The following CELF2 variants were observed in gnomAD, a reference collection of about 807,000 sequenced individuals.
CELF2 encodes CUG triplet repeat RNA-binding protein 2.
A neutral mutation model predicts 62.6 loss-of-function variants in CELF2; 8 were observed. That is an observed-to-expected ratio of 0.13 (90% confidence interval 0.07 to 0.23). The LOEUF (loss-of-function observed/expected upper bound fraction) is 0.23. Ranked by LOEUF, CELF2 falls within the 10% of genes least tolerant of loss-of-function variation. The pLI is 1.00. For synonymous variants in CELF2, 258 were observed against 250.0 expected (o/e 1.03, Z -0.30); for missense variants, 333 against 671.0 (o/e 0.50, Z 5.56).
At chr10:11,238,619 A>G (rs2072500168) in intron 3 of CELF2, among the ~76,000 whole-genome samples, 1 of 152,250 alleles carries the variant, frequency 6.6e-6, no homozygotes, top group African/African-American at 2.4e-5. Flanking sequence ...TGCTAAACAC[A>G]GTGACAGTAC....
chr10:10,902,586 T>C (rs1016975368), intron 1 of CELF2, among the ~76,000 whole-genome samples: 5 of 152,158 alleles, frequency 3.3e-5, no homozygotes, highest in African/African-American at 1.2e-4. Flanking sequence ...CAGTGGTTAC[T>C]TGGGGACAGG....
intron 2 of CELF2, among the ~76,000 whole-genome samples, chr10:10,967,827 A>G (rs945315718): frequency 1.3e-5 from 2 of 152,194 alleles, no homozygotes; most frequent in Admixed American, 6.5e-5. Context: ...TGTCCTCCAC[A>G]TAGACAGATA....
intron 3 of CELF2, among the ~76,000 whole-genome samples, chr10:11,234,877 C>T (rs1477371391): frequency 6.6e-6 from 1 of 151,934 alleles, no homozygotes; most frequent in Non-Finnish European, 1.5e-5. Flanking sequence ...AATTATAATC[C>T]TTAACTGAAT....
intron 1 of CELF2, among the ~76,000 whole-genome samples, chr10:10,892,489 G>A (rs1303525480): frequency 1.3e-5 from 2 of 152,132 alleles, no homozygotes; most frequent in East Asian, 3.9e-4. Context: ...CCTGTAGACT[G>A]AGCCGACTCA....
At chr10:11,140,505 G>C (rs961151269) in intron 1 of CELF2, among the ~76,000 whole-genome samples, 2 of 151,988 alleles carry the variant, frequency 1.3e-5, no homozygotes, top group Admixed American at 6.5e-5. Flanking sequence ...CACCTTTAGC[G>C]TCATGTAGCT....
chr10:10,815,137 ACTT>A (rs1308442856), intron 1 of CELF2, among the ~76,000 whole-genome samples: 1 of 152,118 alleles, frequency 6.6e-6, no homozygotes, highest in Non-Finnish European at 1.5e-5. Context: ...TGCATGTATG[ACTT>A]CTTCCTGGTG....
At chr10:11,051,101 T>C (rs894089155) in intron 1 of CELF2, among the ~76,000 whole-genome samples, 1 of 152,220 alleles carries the variant, frequency 6.6e-6, no homozygotes, top group African/African-American at 2.4e-5. Context: ...ATGGGGACAC[T>C]TCTTCGCTGT....
the CELF2 span, among the ~76,000 whole-genome samples, chr10:10,517,410 C>T: frequency 3.3e-5 from 5 of 152,122 alleles, no homozygotes; most frequent in Non-Finnish European, 7.4e-5. Flanking sequence ...AAGGAAAACA[C>T]AGAAAGGAAA....
the CELF2 span, among the ~76,000 whole-genome samples, chr10:10,622,232 T>A: frequency 6.6e-6 from 1 of 152,192 alleles, no homozygotes; most frequent in East Asian, 1.9e-4. Context: ...AGATCTCAAA[T>A]GAGTGTTTTG....
intron 9 of CELF2, among the ~76,000 whole-genome samples, chr10:11,312,122 CAGA>C (rs2094589554): frequency 6.6e-6 from 1 of 152,136 alleles, no homozygotes; most frequent in African/African-American, 2.4e-5. Flanking sequence ...TAATGGAAAT[CAGA>C]AGGCCATAAA....
intron 2 of CELF2, among the ~76,000 whole-genome samples, chr10:11,201,395 A>G (rs1024927321): frequency 6.6e-6 from 1 of 151,856 alleles, no homozygotes; most frequent in Non-Finnish European, 1.5e-5. Context: ...TTGTCACTCT[A>G]CCATCTCTTT....
chr10:11,066,471 C>T (rs1479831189), intron 1 of CELF2, among the ~76,000 whole-genome samples: 1 of 152,162 alleles, frequency 6.6e-6, no homozygotes. Flanking sequence ...CTGAGGACCT[C>T]AGGTCACTCA....
At chr10:10,968,211 G>A (rs934046593) in intron 2 of CELF2, among the ~76,000 whole-genome samples, 1 of 152,134 alleles carries the variant, frequency 6.6e-6, no homozygotes, top group Non-Finnish European at 1.5e-5. Context: ...AGAATTGACA[G>A]CGCATCTTTT....
At chr10:10,525,547 T>C in the CELF2 span, among the ~76,000 whole-genome samples, 1 of 152,216 alleles carries the variant, frequency 6.6e-6, no homozygotes, top group Non-Finnish European at 1.5e-5. Flanking sequence ...TCTGCTTCTA[T>C]GGTTTCAACA....
intron 1 of CELF2, among the ~76,000 whole-genome samples, chr10:11,137,812 C>G (rs1011375621): frequency 6.6e-6 from 1 of 151,920 alleles, no homozygotes; most frequent in Non-Finnish European, 1.5e-5. Flanking sequence ...CTTTTAAAAA[C>G]AGAATTATCC....
intron 1 of CELF2, among the ~76,000 whole-genome samples, chr10:11,060,054 A>G (rs753489015): frequency 6.6e-6 from 1 of 152,234 alleles, no homozygotes; most frequent in Non-Finnish European, 1.5e-5. Context: ...TGCAAGAGGA[A>G]GAGAAGTCTA....
In CELF2 at chr10:10,973,044, C is replaced by T. The variant is rs949478014; in HGVS notation, c.89+53045C>T. 2.0e-4 allele frequency among the ~76,000 whole-genome samples: 30 copies of T among 152,202 alleles called. 1 individual carries two copies. Among genetic ancestry groups the T allele is most frequent in the Admixed American group, 9.8e-4 (15 of 15,276 alleles). ...GTGGCTCACGCCTGTAATCTCAGCA[C>T]TTTGGGAGGCCGAGGCGGGTGGGTC... On this transcript the variant is annotated intron_variant, in intron 2 of 13. Coordinates refer to the CELF2 transcript ENST00000636488.
intron 1 of CELF2, among the ~76,000 whole-genome samples, chr10:10,825,241 G>C (rs1242080135): frequency 6.6e-6 from 1 of 151,926 alleles, no homozygotes; most frequent in African/African-American, 2.4e-5. Context: ...ACGGAGTCTC[G>C]CTCTGTCACC....
chr10:10,728,508 G>T, the CELF2 span, among the ~76,000 whole-genome samples: 1 of 151,508 alleles, frequency 6.6e-6, no homozygotes, highest in East Asian at 1.9e-4. Context: ...AGAAACAGGG[G>T]CAGGAAAGCA....
Sources: gnomAD v4.1 joint callset for allele counts (sites outside exome capture counted in the v4.1 genomes callset) on GRCh38, gnomAD v4.1.1 for gene constraint, MANE v1.5 for transcripts, NCBI Gene and HGNC (gene_info 2026-07-23, HGNC 2026-07-21) for gene names.